SCAF8: variants seen among roughly 807,000 people sequenced by gnomAD.
SCAF8 encodes SR-related CTD associated factor 8, also known as SR-related and CTD-associated factor 8.
A neutral mutation model predicts 140.5 loss-of-function variants in SCAF8; 23 were observed. That is an observed-to-expected ratio of 0.16 (90% CI 0.12 to 0.23). The LOEUF (loss-of-function observed/expected upper bound fraction) is 0.23, where lower values mean the gene tolerates loss of function less well. Ranked by LOEUF, SCAF8 falls within the 10% of genes least tolerant of loss-of-function variation. The pLI is 1.00. For missense variants in SCAF8, 1,397 were observed against 1,555.7 expected (o/e 0.90, Z 1.72); for synonymous variants, 575 against 528.9 (o/e 1.09, Z -1.20).
chr6:154,751,881 A>G (rs932266310), intron 1 of SCAF8, among the ~76,000 whole-genome samples: 10 of 152,136 alleles, frequency 6.6e-5, no homozygotes, highest in African/African-American at 2.2e-4. Flanking sequence ...GCCACAGAAA[A>G]TACGCTTTCC....
chr6:154,832,767 C>G lies in SCAF8; in HGVS notation c.3188C>G (p.Pro1063Arg), dbSNP rs749496902. The change falls in exon 20 of 20, where the codon CCT becomes CGT. Residue 1063 changes from proline (P) to arginine (R), a missense_variant. Pro to Arg is a moderately radical substitution (Grantham distance 103). Coordinates refer to ENST00000367178, the MANE Select transcript of SCAF8 (RefSeq NM_014892.5). ...PLDGRDHFGR[P>R]PVDIRENLVR... is the part of the protein sequence containing the mutation. ...GATGGTAGGGATCATTTTGGAAGAC[C>G]TCCTGTAGATATAAGAGAGAATCTT... 2 of 1,613,786 alleles carry G rather than the reference C, an allele frequency of 1.2e-6. No homozygotes were observed. The highest frequency in any genetic ancestry group is 1.7e-6 in the Non-Finnish European group (2 of 1,179,956).
At chr6:154,784,155 A>ATATATATATATTTATT (rs1408182952) in intron 3 of SCAF8, among the ~76,000 whole-genome samples, 150 of 91,834 alleles carry the variant, frequency 1.6e-3, no homozygotes, top group Non-Finnish European at 2.4e-3. Context: ...ATATATATAT[A>ATATATATATATTTATT]TATTTATTTA....
intron 12 of SCAF8, among the ~76,000 whole-genome samples, chr6:154,813,039 CAAAA>C (rs35659449): frequency 7.2e-6 from 1 of 138,622 alleles, no homozygotes; most frequent in East Asian, 2.1e-4. Context: ...TCACTACCGC[CAAAA>C]AAAAAAAAAA....
rs2114904652 is a variant in SCAF8 at position 154,805,381 on chromosome 6, A to C, written c.876A>C (p.Ser292=). Residue 292 remains serine (S), a synonymous_variant, in exon 9 of 20, where the codon TCA becomes TCC. Transcript: ENST00000367178. ...EIPASQLSHV[S]ESVNNSIFHQ... is the part of the protein sequence containing the mutation. ...TTTTTCCTTTTAGTTCTCACGTTTC[A>C]GAATCTGTGAACAATTCCATTTTTC... The C allele has an allele frequency of 6.2e-7, 1 of 1,605,042 alleles. No homozygotes were observed. Among genetic ancestry groups the C allele is most frequent in the Non-Finnish European group, 8.5e-7 (1 of 1,172,736 alleles).
intron 1 of SCAF8, among the ~76,000 whole-genome samples, chr6:154,763,340 G>T (rs1387755378): frequency 6.6e-6 from 1 of 152,132 alleles, no homozygotes; most frequent in Non-Finnish European, 1.5e-5. Flanking sequence ...TTGAAGATTT[G>T]GGGGATTCTA....
intron 1 of SCAF8, among the ~76,000 whole-genome samples, chr6:154,769,895 TC>T (rs1401301764): frequency 6.6e-6 from 1 of 152,162 alleles, no homozygotes; most frequent in Non-Finnish European, 1.5e-5. Flanking sequence ...GACCTTATTC[TC>T]CAGTACGAGA....
chr6:154,815,308 T>A (rs1166467805), intron 12 of SCAF8, among the ~76,000 whole-genome samples: 1 of 152,028 alleles, frequency 6.6e-6, no homozygotes, highest in African/African-American at 2.4e-5. Flanking sequence ...AAAAAATAAA[T>A]AAATAAATAA....
At chr6:154,771,455 CTGGAAAGGTAGACAGGAGTTAGAA>C (rs1776764629) in intron 1 of SCAF8, among the ~76,000 whole-genome samples, 1 of 152,028 alleles carries the variant, frequency 6.6e-6, no homozygotes, top group Non-Finnish European at 1.5e-5. Flanking sequence ...TAAGATGAGG[CTGGAAAGGTAGACAGGAGTTAGAA>C]TGGACAGGGC....
intron 1 of SCAF8, among the ~76,000 whole-genome samples, chr6:154,742,221 GT>G (rs1778588338): frequency 6.6e-6 from 1 of 152,026 alleles, no homozygotes; most frequent in Non-Finnish European, 1.5e-5. Context: ...GGAGAAAAAA[GT>G]TTTATGCTCA....
chr6:154,796,547 C>G (rs966080375), intron 6 of SCAF8, among the ~76,000 whole-genome samples: 1 of 152,072 alleles, frequency 6.6e-6, no homozygotes, highest in Non-Finnish European at 1.5e-5. Flanking sequence ...TTTTATCACC[C>G]TACTCTATTT....
chr6:154,794,968 C>G (rs879615054), intron 5 of SCAF8, 41 bp from the exon 6 acceptor site: 2 of 1,542,236 alleles, frequency 1.3e-6, no homozygotes, highest in South Asian at 2.4e-5. Context: ...TAGTTACTTA[C>G]TTACATATTT....
intron 16 of SCAF8, among the ~76,000 whole-genome samples, chr6:154,823,360 G>T (rs1051879682): frequency 6.6e-6 from 1 of 152,192 alleles, no homozygotes; most frequent in African/African-American, 2.4e-5. Context: ...GCTTTGAGCA[G>T]GGAGACCAGT....
intron 18 of SCAF8, among the ~76,000 whole-genome samples, chr6:154,827,839 G>GGT (rs1778612340): frequency 6.6e-6 from 1 of 150,630 alleles, no homozygotes; most frequent in South Asian, 2.2e-4. Context: ...CGGGGCGGGG[G>GGT]GGGGGGCGGT....
chr6:154,746,276 T>C (rs1369947039), intron 1 of SCAF8, among the ~76,000 whole-genome samples: 1 of 152,240 alleles, frequency 6.6e-6, no homozygotes, highest in Non-Finnish European at 1.5e-5. Context: ...CTTTGTCCTT[T>C]TGACAAGTCC....
At chr6:154,831,873 T>G in intron 19 of SCAF8, 66 bp from the exon 20 acceptor site, 1 of 1,393,502 alleles carries the variant, frequency 7.2e-7, no homozygotes, top group South Asian at 1.4e-5. Flanking sequence ...AGTAGCTGAT[T>G]AAGCTAAAAT....
Position 154,760,904 on chromosome 6 carries a change from C to T in SCAF8, c.31-13085C>T, listed in dbSNP as rs375441175. Among the ~76,000 whole-genome samples the T allele has an allele frequency of 1.1e-4, 16 of 152,216 alleles. No homozygotes were observed. In the East Asian group the frequency reaches 3.1e-3, roughly 29 times the overall value. ...GCTCAAATGATCCTCCTGCCTCAGCCTCCCAGGTAGCTGGGACTACAGGCA... is the reference window on the plus strand; with the variant it reads ...GCTCAAATGATCCTCCTGCCTCAGCTTCCCAGGTAGCTGGGACTACAGGCA... On this transcript the variant is annotated intron_variant, in intron 1 of 19. Transcript: ENST00000367178.
chr6:154,797,164 A>C (rs1777632332), intron 6 of SCAF8, among the ~76,000 whole-genome samples: 2 of 143,688 alleles, frequency 1.4e-5, no homozygotes, highest in Admixed American at 6.7e-5. Flanking sequence ...AGTTGTACGT[A>C]ATTTTTTTAA....
intron 4 of SCAF8, among the ~76,000 whole-genome samples, chr6:154,791,700 A>G (rs1777425350): frequency 6.6e-6 from 1 of 152,194 alleles, no homozygotes; most frequent in South Asian, 2.1e-4. Context: ...GCAACGTTAT[A>G]TAGATCGTAA....
At chr6:154,744,531 A>G (rs1476851244) in intron 1 of SCAF8, among the ~76,000 whole-genome samples, 3 of 152,174 alleles carry the variant, frequency 2.0e-5, no homozygotes, top group Non-Finnish European at 2.9e-5. Context: ...GATAGGTGTC[A>G]TCCCATTTTA....
Sources: allele counts gnomAD v4.1 joint callset (sites outside exome capture counted in the v4.1 genomes callset), GRCh38; gene constraint gnomAD v4.1.1; transcripts MANE v1.5; gene names NCBI Gene and HGNC (gene_info 2026-07-23, HGNC 2026-07-21).